Variants in PRIM2 observed in about 807,000 individuals in gnomAD.
The protein encoded by PRIM2 is DNA primase large subunit.
Under a neutral mutation model 67.3 loss-of-function variants are expected in PRIM2, and 39 were observed. The observed-to-expected ratio is 0.58, with a 90% CI of 0.45 to 0.76. The LOEUF (loss-of-function observed/expected upper bound fraction) is 0.76. Among genes scored for constraint, PRIM2 ranks in the 30% least tolerant of loss-of-function variants. The pLI is 0.00. For missense variants in PRIM2, 398 were observed against 598.7 expected, an observed-to-expected ratio of 0.66 and a Z score of 3.50; for synonymous variants, 143 against 198.7, an observed-to-expected ratio of 0.72 and a Z score of 2.36.
At chr6:57,424,122 A>G (rs1370232109) in intron 7 of PRIM2, among the ~76,000 whole-genome samples, 1 of 152,208 alleles carries the variant, frequency 6.6e-6, no homozygotes, top group East Asian at 1.9e-4. Context: ...AATTGTAAGA[A>G]AAACAAAACT....
At chr6:57,327,023 C>G (rs748064999) in intron 5 of PRIM2, among the ~76,000 whole-genome samples, 1 of 151,518 alleles carries the variant, frequency 6.6e-6, no homozygotes, top group African/African-American at 2.4e-5. Context: ...CCTGCCTCAG[C>G]CTCCTGAGTA....
chr6:57,463,491 C>T (rs1228476109), intron 7 of PRIM2, among the ~76,000 whole-genome samples: 1 of 152,102 alleles, frequency 6.6e-6, no homozygotes, highest in Non-Finnish European at 1.5e-5. Context: ...GCCCCTATCT[C>T]TAAAACAAAA....
chr6:57,587,621 G>A (rs1776214260), intron 10 of PRIM2, among the ~76,000 whole-genome samples: 1 of 114,924 alleles, frequency 8.7e-6, no homozygotes, highest in East Asian at 3.0e-4. Flanking sequence ...CTGAGATCAA[G>A]CCACTGTACT....
chr6:57,516,494 A>AT (rs1217784390), intron 8 of PRIM2, among the ~76,000 whole-genome samples: 1 of 152,248 alleles, frequency 6.6e-6, no homozygotes, highest in Non-Finnish European at 1.5e-5. Flanking sequence ...GAAAAAAGGT[A>AT]TAAGAAATGA....
chr6:57,365,399 T>C (rs1381403778), intron 5 of PRIM2, among the ~76,000 whole-genome samples: 2 of 151,410 alleles, frequency 1.3e-5, no homozygotes, highest in Non-Finnish European at 2.9e-5. Context: ...TTCTTAACTG[T>C]TCTTTAATTA....
chr6:57,227,641 C>CAAAAA, the PRIM2 span, among the ~76,000 whole-genome samples: 6 of 84,022 alleles, frequency 7.1e-5, no homozygotes, highest in Non-Finnish European at 1.4e-4. Context: ...GAGACCATCT[C>CAAAAA]AAAAAAAAAA....
intron 7 of PRIM2, among the ~76,000 whole-genome samples, chr6:57,441,923 A>G (rs76265077): frequency 3.7e-4 from 55 of 149,832 alleles, no homozygotes; most frequent in South Asian, 8.6e-4. Context: ...AATATTAAAA[A>G]GATGTACCCA....
intron 5 of PRIM2, among the ~76,000 whole-genome samples, chr6:57,365,851 G>T (rs1769338362): frequency 6.6e-6 from 1 of 151,392 alleles, no homozygotes; most frequent in Non-Finnish European, 1.5e-5. Flanking sequence ...TGTAATCCCA[G>T]GCTATTTGGG....
rs529493359 is a variant in PRIM2, at chr6:57,333,730, C to T, written c.459+7685C>T. Among the ~76,000 whole-genome samples the T allele has an allele frequency of 2.6e-5, 4 of 151,878 alleles. No homozygotes were observed. In the East Asian group the frequency reaches 7.7e-4, roughly 29 times the overall value. On this transcript the variant is annotated intron_variant, in intron 5 of 13. Transcript: ENST00000615550. ...TGAAAACTTTCATCAACTGTTTTCT[C>T]AATTTTCTATTTATTTATTTTTCCC...
intron 7 of PRIM2, among the ~76,000 whole-genome samples, chr6:57,386,854 A>AT (rs1231572993): frequency 6.6e-6 from 1 of 151,996 alleles, no homozygotes; most frequent in Admixed American, 6.5e-5. Context: ...CCTAAAGTAG[A>AT]TTTTTTGAAA....
At chr6:57,280,063 A>G in the PRIM2 span, among the ~76,000 whole-genome samples, 9 of 152,170 alleles carry the variant, frequency 5.9e-5, no homozygotes, top group Non-Finnish European at 1.2e-4. Flanking sequence ...TTGCCATGCT[A>G]AGAAATCTGG....
At chr6:57,306,842 A>C in the PRIM2 span, among the ~76,000 whole-genome samples, 1 of 152,218 alleles carries the variant, frequency 6.6e-6, no homozygotes, top group Non-Finnish European at 1.5e-5. Context: ...CTTTCAAAAA[A>C]ACTTTTATAA....
At chr6:57,403,296 G>A (rs374527030) in intron 7 of PRIM2, among the ~76,000 whole-genome samples, 1 of 124,738 alleles carries the variant, frequency 8.0e-6, no homozygotes, top group East Asian at 2.3e-4. Context: ...TCGCTCTGTT[G>A]CCCAGGCTGG....
At chr6:57,267,546 T>G in the PRIM2 span, among the ~76,000 whole-genome samples, 1 of 151,824 alleles carries the variant, frequency 6.6e-6, no homozygotes, top group Non-Finnish European at 1.5e-5. Flanking sequence ...ATGAAAAAAT[T>G]TGGGGAGCAT....
In PRIM2 at chr6:57,382,039, TG is replaced by T. The variant is rs1769976084; in HGVS notation, c.565del (p.Ala189LeufsTer31). 1 of 1,610,008 alleles carries T rather than the reference TG, an allele frequency of 6.2e-7. No homozygotes were observed. The highest frequency in any genetic ancestry group is 1.7e-5 in the Admixed American group (1 of 59,444). On this transcript the variant is annotated frameshift_variant, in exon 7 of 14. Transcript: ENST00000615550. LOFTEE classifies it high-confidence loss of function. ...TTTTACTCTTAATTCAGATCCCTTT[TG>T]CTGATGCTCTGGATTTGTTTCGAGG... ...GFESIYKIPFADALDLFRGRK... is the reference protein window; with the variant it reads ...GFESIYKIPFXDALDLFRGRK...
chr6:57,337,045 G>T (rs1285199168), intron 5 of PRIM2, among the ~76,000 whole-genome samples: 1 of 152,078 alleles, frequency 6.6e-6, no homozygotes, highest in African/African-American at 2.4e-5. Flanking sequence ...ACAAAAAAAG[G>T]CAGGGGTTGC....
At chr6:57,602,851 T>G (rs1776494490) in intron 11 of PRIM2, among the ~76,000 whole-genome samples, 3 of 152,222 alleles carry the variant, frequency 2.0e-5, no homozygotes. Context: ...GTAATAAACT[T>G]AATTTTTTAG....
intron 7 of PRIM2, among the ~76,000 whole-genome samples, chr6:57,498,600 G>T (rs1409978165): frequency 1.3e-5 from 2 of 152,130 alleles, no homozygotes; most frequent in African/African-American, 4.8e-5. Context: ...TCTTGATATT[G>T]TCATTCCTCT....
At chr6:57,326,260 C>T (rs947075144) in intron 5 of PRIM2, 1 of 423,672 alleles carries the variant, frequency 2.4e-6, no homozygotes, top group Non-Finnish European at 4.0e-6. Context: ...CTTACTTGCT[C>T]TGTTAAATGT....
Sources: gnomAD v4.1 joint callset for allele counts (sites outside exome capture counted in the v4.1 genomes callset) on GRCh38, gnomAD v4.1.1 for gene constraint, MANE v1.5 for transcripts, NCBI Gene and HGNC (gene_info 2026-07-23, HGNC 2026-07-21) for gene names.